Variants in TMEM255B observed in about 807,000 individuals in gnomAD.
The protein encoded by TMEM255B is family with sequence similarity 70, member B.
In TMEM255B, 35 loss-of-function variants were observed where a neutral mutation model predicts 34.5. That is an observed-to-expected ratio of 1.01 (90% CI 0.77 to 1.34). The LOEUF is 1.34. TMEM255B is among the 40% of genes most tolerant of loss of function. The pLI, the probability that TMEM255B is intolerant of heterozygous loss-of-function variation, is 0.00. For missense variants in TMEM255B, 432 were observed against 433.2 expected, an observed-to-expected ratio of 1.00 and a Z score of 0.02; for synonymous variants, 206 against 201.2, an observed-to-expected ratio of 1.02 and a Z score of -0.20.
Position 113,762,710 on chromosome 13 carries a change from C to T in TMEM255B, c.46+3395C>T, listed in dbSNP as rs77406019. 9.6e-4 allele frequency among the ~76,000 whole-genome samples: 146 copies of T among 152,290 alleles called. No homozygotes were observed. In the East Asian group the frequency reaches 0.011, roughly 12 times the overall value. ...GCCCCCACTCTTCATGCCAAGGAACCGAGCAGAGCTTCCAGCTTTAAGAAC... is the reference window on the plus strand; with the variant it reads ...GCCCCCACTCTTCATGCCAAGGAACTGAGCAGAGCTTCCAGCTTTAAGAAC... On this transcript the variant is annotated intron_variant, in intron 1 of 8. Coordinates refer to ENST00000375353, the MANE Select transcript of TMEM255B (RefSeq NM_182614.4).
intron 2 of TMEM255B, 197 bp from the exon 3 acceptor site, chr13:113,768,901 G>T (rs537154531): frequency 2.9e-6 from 2 of 679,536 alleles, no homozygotes; most frequent in African/African-American, 3.6e-5. Context: ...GACAGGACAG[G>T]TGATGTTGCA....
intron 1 of TMEM255B, among the ~76,000 whole-genome samples, chr13:113,760,100 A>AGG (rs2050273485): frequency 6.6e-6 from 1 of 152,086 alleles, no homozygotes; most frequent in South Asian, 2.1e-4. Flanking sequence ...TGACGGCTGG[A>AGG]GGGAGGGATG....
At chr13:113,777,191 C>G (rs545771934) in intron 3 of TMEM255B, among the ~76,000 whole-genome samples, 1 of 152,100 alleles carries the variant, frequency 6.6e-6, no homozygotes, top group Non-Finnish European at 1.5e-5. Context: ...TACATGTCAC[C>G]GGAGCCTCGG....
chr13:113,766,401 C>T (rs1466374673), intron 2 of TMEM255B, 144 bp downstream of exon 2: 1 of 1,187,404 alleles, frequency 8.4e-7, no homozygotes, highest in East Asian at 2.4e-5. Context: ...GGGTTATGGC[C>T]CCCACAGACA....
chr13:113,774,755 ACC>A (rs2050539549), intron 3 of TMEM255B, among the ~76,000 whole-genome samples: 4 of 56,550 alleles, frequency 7.1e-5, no homozygotes, highest in Non-Finnish European at 2.0e-4. Flanking sequence ...CACTACACAC[ACC>A]ACACACCACA....
In TMEM255B at chr13:113,811,853, G is replaced by C. The variant is rs556601780; in HGVS notation, c.931G>C (p.Ala311Pro). 3.7e-6 allele frequency: 6 copies of C among 1,613,716 alleles called. No homozygotes were observed. In the African/African-American group the frequency reaches 8.0e-5, roughly 22 times the overall value. The change falls in exon 9 of 9, where the codon GCA becomes CCA. Residue 311 changes from alanine (A) to proline (P), a missense_variant. Ala to Pro is a conservative substitution (Grantham distance 27). Transcript: ENST00000375353. ...TCCCGGCCAGGCTCCACCGTGCTAC[G>C]CACCCACCTACTTTCCCCCGGGGGA... ...GLPGQAPPCY[A>P]PTYFPPGEKP...
chr13:113,788,914 C>T (rs2050785084), intron 3 of TMEM255B, among the ~76,000 whole-genome samples: 1 of 152,070 alleles, frequency 6.6e-6, no homozygotes, highest in Non-Finnish European at 1.5e-5. Context: ...CCCCACTCAT[C>T]CTGCCTCGTG....
At chr13:113,799,726 G>C (rs537165099) in intron 5 of TMEM255B, 1 of 699,172 alleles carries the variant, frequency 1.4e-6, no homozygotes, top group South Asian at 1.5e-5. Context: ...ATTGCAATAA[G>C]AAGCAAGGAT....
In TMEM255B at chr13:113,788,009, G is replaced by A. The variant is rs75737596; in HGVS notation, c.253-7139G>A. On this transcript the variant is annotated intron_variant, in intron 3 of 8. Transcript: ENST00000375353. Reference sequence around the variant, plus strand: ...GACGGGATGGGCAGCTCCAGGTGTCGGCCAGGGGCACCATGCCGCAGAGGG... The same window carrying A: ...GACGGGATGGGCAGCTCCAGGTGTCAGCCAGGGGCACCATGCCGCAGAGGG... Among the ~76,000 whole-genome samples the A allele has an allele frequency of 2.7e-3, 334 of 123,968 alleles. 2 individuals are homozygous for A. Among genetic ancestry groups the A allele is most frequent in the East Asian group, 0.022 (92 of 4,270 alleles). The allele number at this position is 123,968 out of a possible 152,430, so 81.3% of individuals were successfully genotyped here. A position where few individuals can be genotyped will look rare whatever the true frequency, so the allele number is the denominator to read the frequency against.
chr13:113,784,137 G>T (rs914040097), intron 3 of TMEM255B, among the ~76,000 whole-genome samples: 16 of 152,162 alleles, frequency 1.1e-4, no homozygotes, highest in African/African-American at 3.9e-4. Flanking sequence ...AGTTTGGTGA[G>T]GTTGTGAAGG....
At chr13:113,801,946 G>T (rs1424446100) in intron 7 of TMEM255B, 134 bp downstream of exon 7, 4 of 1,060,910 alleles carry the variant, frequency 3.8e-6, no homozygotes, top group Non-Finnish European at 4.0e-6. Context: ...CTGTCAGCAG[G>T]GTGTCAGGGT....
chr13:113,808,795 G>C lies in TMEM255B; in HGVS notation c.814-2941G>C, dbSNP rs923715432. Among the ~76,000 whole-genome samples, 9 of 108,616 alleles carry C rather than the reference G, an allele frequency of 8.3e-5. 1 individual carries two copies. Among genetic ancestry groups the C allele is most frequent in the African/African-American group, 2.8e-4 (7 of 24,652 alleles). The allele number at this position is 108,616 out of a possible 152,430, so 71.3% of individuals were successfully genotyped here. On this transcript the variant is annotated intron_variant, in intron 8 of 8. Coordinates refer to ENST00000375353, the MANE Select transcript of TMEM255B (RefSeq NM_182614.4). ...GGCGGTGTAACTCTGTGGTTCCTGG[G>C]GGGGGGGTTACTCCATGTTTCCTGG...
rs529569684 is a variant in TMEM255B, at chr13:113,803,591, G to A, written c.670-1294G>A. Among the ~76,000 whole-genome samples the A allele has an allele frequency of 1.2e-4, 14 of 119,584 alleles. 1 individual carries two copies. Among genetic ancestry groups the A allele is most frequent in the East Asian group, 5.9e-4 (3 of 5,122 alleles). The allele number at this position is 119,584 out of a possible 152,430, so 78.5% of individuals were successfully genotyped here. A position where few individuals can be genotyped will look rare whatever the true frequency, so the allele number is the denominator to read the frequency against. On this transcript the variant is annotated intron_variant, in intron 7 of 8. Transcript: ENST00000375353. ...GCCCCGGCCCCATCCTCAGGCCACC[G>A]CCAGCTCAGAGGCCTCCCCACCCCT... is the stretch of plus-strand genomic sequence containing the variant.
intron 1 of TMEM255B, 77 bp downstream of exon 1, chr13:113,759,392 C>CG: frequency 8.4e-7 from 1 of 1,195,012 alleles, no homozygotes; most frequent in Non-Finnish European, 1.0e-6. Flanking sequence ...TACAGGTCCC[C>CG]GGCCGGCCCG....
intron 5 of TMEM255B, 54 bp from the exon 6 acceptor site, chr13:113,800,773 G>A (rs965374095): frequency 3.3e-6 from 5 of 1,525,942 alleles, no homozygotes; most frequent in Admixed American, 1.9e-5. Context: ...CCTTGGTGGG[G>A]TGGGTGAGGT....
chr13:113,781,010 C>T (rs1401199697), intron 3 of TMEM255B, among the ~76,000 whole-genome samples: 1 of 152,188 alleles, frequency 6.6e-6, no homozygotes. Flanking sequence ...AACACCATTG[C>T]ATATTTGGCA....
intron 3 of TMEM255B, among the ~76,000 whole-genome samples, chr13:113,791,506 C>T (rs9550257): frequency 0.39 from 59,791 of 152,032 alleles, 13,665 homozygotes; most frequent in East Asian, 0.72. Flanking sequence ...GGAGCGACGT[C>T]GTGTGGACAG....
At chr13:113,771,463 C>T (rs546596526) in intron 3 of TMEM255B, among the ~76,000 whole-genome samples, 8 of 152,264 alleles carry the variant, frequency 5.3e-5, no homozygotes, top group Non-Finnish European at 7.4e-5. Context: ...GGGCGGATCA[C>T]GAGTTCAGGA....
chr13:113,807,818 C>G (rs1372022938), intron 8 of TMEM255B, among the ~76,000 whole-genome samples: 3 of 123,844 alleles, frequency 2.4e-5, no homozygotes, highest in Non-Finnish European at 5.1e-5. Flanking sequence ...GGAGGGCTTA[C>G]GGGATGTGGG....
Sources: gnomAD v4.1 joint callset for allele counts (sites outside exome capture counted in the v4.1 genomes callset) on GRCh38, gnomAD v4.1.1 for gene constraint, MANE v1.5 for transcripts, NCBI Gene and HGNC (gene_info 2026-07-23, HGNC 2026-07-21) for gene names.